Variants in LAMA5 observed in about 807,000 individuals in gnomAD.
LAMA5 encodes the protein laminin subunit alpha 5.
In LAMA5, 260 loss-of-function variants were observed where a neutral mutation model predicts 433.4. The observed-to-expected ratio is 0.60, with a 90% CI of 0.54 to 0.66. The LOEUF (loss-of-function observed/expected upper bound fraction) is 0.66, where lower values mean the gene tolerates loss of function less well. LAMA5 is among the 30% of genes least tolerant of loss of function. The pLI is 0.00. For missense variants in LAMA5, 5,378 were observed against 5,258.5 expected, an observed-to-expected ratio of 1.02 and a Z score of -0.70; for synonymous variants, 2,620 against 2,226.6, an observed-to-expected ratio of 1.18 and a Z score of -4.97.
intron 2 of LAMA5, among the ~76,000 whole-genome samples, chr20:62,355,953 G>A (rs941807366): frequency 2.6e-5 from 4 of 152,296 alleles, no homozygotes; most frequent in African/African-American, 7.2e-5. Context: ...AGCCGCCCCC[G>A]CTGTTCCCTG....
intron 45 of LAMA5, 46 bp from the exon 46 acceptor site, chr20:62,322,804 C>CA: frequency 7.8e-7 from 1 of 1,276,516 alleles, no homozygotes; most frequent in East Asian, 2.8e-5. Flanking sequence ...TCTCACCCCC[C>CA]CAGGGAGCCC....
Position 62,329,768 on chromosome 20 carries a change from G to A in LAMA5, c.4119+9C>T. The A allele has an allele frequency of 1.2e-6, 2 of 1,612,096 alleles. No individual in the cohort carries two copies. Among genetic ancestry groups the A allele is most frequent in the Non-Finnish European group, 1.7e-6 (2 of 1,179,630 alleles). ...CTGGTCCCTGAGCAGGACATCAGCTGGGACTCACCAGCCAGAGCCACCGGC... is the reference window on the plus strand; with the variant it reads ...CTGGTCCCTGAGCAGGACATCAGCTAGGACTCACCAGCCAGAGCCACCGGC... On this transcript the variant is annotated intron_variant, in intron 32 of 79. Transcript: ENST00000252999.
At chr20:62,317,853 G>A (rs1479682235) in intron 53 of LAMA5, 75 bp from the exon 54 acceptor site, 8 of 441,584 alleles carry the variant, frequency 1.8e-5, no homozygotes, top group African/African-American at 3.1e-5. Context: ...GTGGACAGCA[G>A]GGCAGGGAAG....
chr20:62,324,287 C>G lies in LAMA5; in HGVS notation c.5644-83G>C, dbSNP rs2146137387. ...TGTGCAGCTCCCACCACCCCTGCCTCAGACTCTGTGCCCAAGGCCAGATGG... is the reference window on the plus strand; with the variant it reads ...TGTGCAGCTCCCACCACCCCTGCCTGAGACTCTGTGCCCAAGGCCAGATGG... On this transcript the variant is annotated intron_variant, in intron 42 of 79. Transcript: ENST00000252999. This position sits in a 1 kb window ranked among gnomAD's most constrained non-coding sequence, Gnocchi z 4.4. 6.5e-7 allele frequency: 1 copy of G among 1,535,764 alleles called. No individual in the cohort carries two copies. The highest frequency in any genetic ancestry group is 1.7e-4 in the Middle Eastern group (1 of 5,784).
In LAMA5 at chr20:62,353,348, C is replaced by G. The variant is rs934496367; in HGVS notation, c.451-97G>C. 2.2e-5 allele frequency: 19 copies of G among 867,776 alleles called. No homozygotes were observed. The African/African-American group carries it at 3.1e-4, about 14-fold the overall frequency. 53.8% of individuals were successfully genotyped at this position (867,776 alleles called of 1,614,324 possible). ...TTCTGCCCCTCAGGTGAGGCCACAG[C>G]AGGGGATGTGGCACCCTCGCCGCAC... On this transcript the variant is annotated intron_variant, in intron 2 of 79. Coordinates refer to ENST00000252999, the MANE Select transcript of LAMA5 (RefSeq NM_005560.6).
intron 11 of LAMA5, among the ~76,000 whole-genome samples, chr20:62,343,423 TC>T (rs902729921): frequency 2.0e-5 from 3 of 150,340 alleles, no homozygotes; most frequent in Non-Finnish European, 3.0e-5. Context: ...GGAAAAAAGC[TC>T]CCCCCCAAAA....
intron 16 of LAMA5, 101 bp downstream of exon 16, chr20:62,337,489 G>A (rs938564004): frequency 3.3e-5 from 48 of 1,459,014 alleles, no homozygotes; most frequent in Admixed American, 2.8e-4. Flanking sequence ...CACACAGCAA[G>A]ATGCACGTGA....
At chr20:62,319,631 C>T (rs1223075087) in intron 51 of LAMA5, 53 bp downstream of exon 51, 4 of 1,353,070 alleles carry the variant, frequency 3.0e-6, no homozygotes, top group Non-Finnish European at 4.1e-6. Flanking sequence ...CCACCCCTAC[C>T]CCAGGCAGCC....
intron 70 of LAMA5, 65 bp from the exon 71 acceptor site, chr20:62,311,849 C>G: frequency 4.5e-6 from 6 of 1,347,832 alleles, no homozygotes; most frequent in Non-Finnish European, 6.2e-6. Flanking sequence ...TCAGAGGAGA[C>G]AGAGGTCCAG....
At chr20:62,318,731 G>C in intron 52 of LAMA5, 81 bp from the exon 53 acceptor site, 1 of 1,572,284 alleles carries the variant, frequency 6.4e-7, no homozygotes, top group Non-Finnish European at 8.6e-7. Flanking sequence ...GTGCCCGCCA[G>C]ATCCATCTGC....
chr20:62,309,943 A>G, intron 78 of LAMA5, 45 bp downstream of exon 78: 1 of 1,606,066 alleles, frequency 6.2e-7, no homozygotes, highest in South Asian at 1.1e-5. Context: ...CGCTCTGCAG[A>G]AGGGTGGGGG....
At chr20:62,325,599 G>A (rs1601330136) in intron 40 of LAMA5, 53 bp from the exon 41 acceptor site, 1 of 1,303,640 alleles carries the variant, frequency 7.7e-7, no homozygotes, top group East Asian at 2.3e-5. Flanking sequence ...GGACAGAACA[G>A]GGAGCCTAGA....
chr20:62,328,101 C>T (rs1979643249), intron 35 of LAMA5, 91 bp from the exon 36 acceptor site: 1 of 1,563,490 alleles, frequency 6.4e-7, no homozygotes, highest in Admixed American at 1.8e-5. Context: ...AGGCAGCATC[C>T]TCCCAGAAGT....
rs756710984 is a variant in LAMA5, at chr20:62,338,422, T to C, written c.1618+46A>G. On this transcript the variant is annotated intron_variant, in intron 12 of 79. Coordinates refer to ENST00000252999, the MANE Select transcript of LAMA5 (RefSeq NM_005560.6). ...GGTCAGAGGCACCAGGCCTCAGGTG[T>C]CCACCTCGAGCGCAGGTAGAGGTTG... The C allele has an allele frequency of 1.1e-5, 17 of 1,607,816 alleles. No homozygotes were observed. In the Admixed American group the frequency reaches 2.5e-4, roughly 24 times the overall value.
Position 62,319,005 on chromosome 20 carries a change from A to G in LAMA5, c.6880T>C (p.Ser2294Pro), listed in dbSNP as rs566482244. The G allele has an allele frequency of 1.3e-6, 2 of 1,581,006 alleles. No individual in the cohort carries two copies. The highest frequency in any genetic ancestry group is 2.3e-5 in the South Asian group (2 of 87,730). Residue 2294 changes from serine to proline, a missense_variant, in exon 52 of 80, where the codon TCC becomes CCC. Ser to Pro is a moderately conservative substitution (Grantham distance 74). Transcript: ENST00000252999. ...AVDRTLSELM[S>P]QTGHLGLANA... ...GCCAGCCCCAGGTGGCCCGTCTGGGACATGAGCTCTGTGGGGCAGGGGTTC... is the reference window on the plus strand; with the variant it reads ...GCCAGCCCCAGGTGGCCCGTCTGGGGCATGAGCTCTGTGGGGCAGGGGTTC...
intron 69 of LAMA5, 50 bp from the exon 70 acceptor site, chr20:62,312,100 T>C (rs1207293767): frequency 2.5e-6 from 4 of 1,608,578 alleles, no homozygotes; most frequent in Admixed American, 1.7e-5. Flanking sequence ...CCAGACTCAT[T>C]CCAGACACCC....
intron 18 of LAMA5, among the ~76,000 whole-genome samples, chr20:62,335,975 C>T (rs1981544845): frequency 6.7e-6 from 1 of 148,848 alleles, no homozygotes; most frequent in African/African-American, 2.5e-5. Context: ...TGAGGAACCC[C>T]ACACCCCAAC....
chr20:62,312,980 C>G lies in LAMA5; in HGVS notation c.8986G>C (p.Gly2996Arg), dbSNP rs141409254. The stretch of plus-strand genomic sequence containing the variant: ...AAGTCATACAACAGCACGAGGCTGC[C>G]TTCTTGCACGGCCAAGCACAGGAAC... ...SQFLCLAVQE[G>R]SLVLLYDFGA... is the part of the protein sequence containing the mutation. The change falls in exon 66 of 80, where the codon GGC (glycine) becomes CGC (arginine). Residue 2996 changes from glycine (G) to arginine (R), a missense_variant. By Grantham distance (125) the Gly-to-Arg change is moderately radical. Transcript: ENST00000252999. 135 of 1,581,030 alleles carry G rather than the reference C, an allele frequency of 8.5e-5. No homozygotes were observed. Among genetic ancestry groups the G allele is most frequent in the Non-Finnish European group, 1.1e-4 (124 of 1,161,370 alleles).
Position 62,346,223 on chromosome 20 carries a change from G to T in LAMA5, c.1283-8C>A, listed in dbSNP as rs141612341. 43 of 1,609,606 alleles carry T rather than the reference G, an allele frequency of 2.7e-5. No individual in the cohort carries two copies. The South Asian group carries it at 4.5e-4, about 17-fold the overall frequency. On this transcript the variant is annotated splice_region_variant and splice_polypyrimidine_tract_variant and intron_variant, in intron 9 of 79. Coordinates refer to ENST00000252999, the MANE Select transcript of LAMA5 (RefSeq NM_005560.6). ...CGGACTCGCAGTTGCAGCCTGGGCA[G>T]GGGCAGGAGCCGGGTAAGCCTGGAG...
Sources: allele counts gnomAD v4.1 joint callset (sites outside exome capture counted in the v4.1 genomes callset), GRCh38; gene constraint gnomAD v4.1.1; non-coding constraint Gnocchi (gnomAD v3.1); transcripts MANE v1.5; gene names NCBI Gene and HGNC (gene_info 2026-07-23, HGNC 2026-07-21).